The following DOCK9 variants were observed in gnomAD, a reference collection of about 807,000 sequenced individuals.
DOCK9 encodes the protein dedicator of cytokinesis 9, also known as dedicator of cytokinesis protein 9.
Under a neutral mutation model 263.3 loss-of-function variants are expected in DOCK9, and 89 were observed. The ratio of observed to expected loss-of-function variants is 0.34; its 90% CI spans 0.28 to 0.40. The LOEUF (loss-of-function observed/expected upper bound fraction) is 0.40, where lower values mean the gene tolerates loss of function less well. Among genes scored for constraint, DOCK9 ranks in the 10% least tolerant of loss-of-function variants. The pLI, the probability that DOCK9 is intolerant of heterozygous loss-of-function variation, is 1.00. For synonymous variants in DOCK9, 976 were observed against 973.1 expected, an observed-to-expected ratio of 1.00 and a Z score of -0.06; for missense variants, 2,140 against 2,603.4, an observed-to-expected ratio of 0.82 and a Z score of 3.87.
intron 35 of DOCK9, among the ~76,000 whole-genome samples, chr13:98,850,975 G>A (rs1354186243): frequency 1.3e-5 from 2 of 152,188 alleles, no homozygotes; most frequent in African/African-American, 4.8e-5. Context: ...CAGAGACGGT[G>A]GCTATGGGGA....
chr13:98,959,210 A>G (rs2058378099), intron 1 of DOCK9, among the ~76,000 whole-genome samples: 1 of 152,202 alleles, frequency 6.6e-6, no homozygotes, highest in Admixed American at 6.5e-5. Context: ...CCTTTGAACA[A>G]TGTGTGCTTA....
chr13:98,849,515 A>G (rs1478819885), intron 36 of DOCK9, among the ~76,000 whole-genome samples: 1 of 152,130 alleles, frequency 6.6e-6, no homozygotes, highest in African/African-American at 2.4e-5. Context: ...AGAAATCCAA[A>G]AAGTTCTGAA....
Position 98,914,436 on chromosome 13 carries a change from A to C in DOCK9, c.893-41T>G, listed in dbSNP as rs917014588. 17 of 1,550,066 alleles carry C rather than the reference A, an allele frequency of 1.1e-5. 1 individual carries two copies. In the Middle Eastern group the frequency reaches 8.4e-4, roughly 76 times the overall value. On this transcript the variant is annotated intron_variant, in intron 8 of 52. Coordinates refer to ENST00000682017, the MANE Select transcript of DOCK9 (RefSeq NM_001366683.2). ...AGATTATCGGAATCACTTGTAATTC[A>C]TAGCATTTCATTTGAAACAGGAGGA...
chr13:99,080,831 T>C (rs2042096007), intron 1 of DOCK9, among the ~76,000 whole-genome samples: 1 of 152,154 alleles, frequency 6.6e-6, no homozygotes, highest in African/African-American at 2.4e-5. Context: ...GTCCACCTGT[T>C]TAGATCATAA....
upstream of DOCK9, chr13:99,088,271 C>T (rs1449669427): frequency 1.3e-5 from 2 of 152,186 alleles, no homozygotes; most frequent in Non-Finnish European, 2.9e-5. Flanking sequence ...AGGGAATGGC[C>T]CAGACATTTT....
rs753657006 is a variant in DOCK9, at chr13:98,860,215, G to A, written c.3697+190C>T. 103 of 1,429,222 alleles carry A rather than the reference G, an allele frequency of 7.2e-5. 1 individual carries two copies. The South Asian group carries it at 7.8e-4, about 11-fold the overall frequency. The allele number at this position is 1,429,222 out of a possible 1,614,324, so 88.5% of individuals were successfully genotyped here. On this transcript the variant is annotated intron_variant, in intron 33 of 52. Coordinates refer to ENST00000682017, the MANE Select transcript of DOCK9 (RefSeq NM_001366683.2). ...TGATCCTGAGGAGTCACAGGCATCC[G>A]GGACCTTTATTTCAGGGCATGGCTG...
Position 98,999,316 on chromosome 13 carries a change from A to ACACACACACT in DOCK9, c.130-43766_130-43765insAGTGTGTGTG. Among the ~76,000 whole-genome samples the ACACACACACT allele has an allele frequency of 1.1e-4, 15 of 138,368 alleles. No homozygotes were observed. In the South Asian group the frequency reaches 1.3e-3, roughly 12 times the overall value. 90.8% of individuals were successfully genotyped at this position (138,368 alleles called of 152,430 possible). A position where few individuals can be genotyped will look rare whatever the true frequency, so the allele number is the denominator to read the frequency against. On this transcript the variant is annotated intron_variant, in intron 1 of 32. Transcript: ENST00000427887. ...CACACACACACACACACACACACAC[A>ACACACACACT]CTCTCTCTCTCTCTCTCTCTGGAAG...
intron 47 of DOCK9, 180 bp downstream of exon 47, chr13:98,809,169 AAGC>A (rs2091035820): frequency 6.7e-7 from 1 of 1,499,096 alleles, no homozygotes; most frequent in Middle Eastern, 1.7e-4. Flanking sequence ...GAAAGAAAAA[AAGC>A]AGAAAGTTTA....
At chr13:98,796,849 GAGAA>G (rs1358901801) in intron 52 of DOCK9, among the ~76,000 whole-genome samples, 1 of 152,074 alleles carries the variant, frequency 6.6e-6, no homozygotes, top group East Asian at 1.9e-4. Flanking sequence ...GGTGGGGAGA[GAGAA>G]AGCTTAGGAA....
chr13:98,829,367 G>C lies in DOCK9; in HGVS notation c.4905C>G (p.Leu1635=). 6.2e-7 allele frequency: 1 copy of C among 1,613,696 alleles called. No homozygotes were observed. ...CCATGCTGTCGAGCCACGTCTTCCT[G>C]AGCTCGGGCGTGCTGGCATAGGATT... The part of the protein sequence containing the change: ...LAKSYASTPE[L]RKTWLDSMAR... The change falls in exon 43 of 53, where the codon CTC becomes CTG. Residue 1635 remains leucine, a synonymous_variant. Coordinates refer to ENST00000682017, the MANE Select transcript of DOCK9 (RefSeq NM_001366683.2). The surrounding 1 kb of genome is among the most constrained non-coding windows in gnomAD (Gnocchi z 4.1).
intron 38 of DOCK9, among the ~76,000 whole-genome samples, chr13:98,839,814 T>C (rs2093143966): frequency 6.6e-6 from 1 of 152,264 alleles, no homozygotes; most frequent in South Asian, 2.1e-4. Context: ...TATTATATAA[T>C]TATGTATACA....
At chr13:99,078,409 T>G (rs376316123) in intron 1 of DOCK9, among the ~76,000 whole-genome samples, 1 of 152,002 alleles carries the variant, frequency 6.6e-6, no homozygotes, top group East Asian at 1.9e-4. Flanking sequence ...GAGGAGGAGA[T>G]GCAGGAGAAT....
At chr13:99,073,842 G>C (rs915902367) in intron 1 of DOCK9, among the ~76,000 whole-genome samples, 2 of 152,206 alleles carry the variant, frequency 1.3e-5, no homozygotes, top group Admixed American at 1.3e-4. Flanking sequence ...CTGGGAGCTT[G>C]TATGCTGCCT....
At chr13:98,962,625 C>CA (rs2058758154) in intron 1 of DOCK9, among the ~76,000 whole-genome samples, 1 of 148,402 alleles carries the variant, frequency 6.7e-6, no homozygotes, top group Non-Finnish European at 1.5e-5. Context: ...ATGTTGCTTG[C>CA]ATGATAGGTT....
chr13:98,863,595 C>T, intron 30 of DOCK9, 47 bp from the exon 31 acceptor site: 2 of 1,536,910 alleles, frequency 1.3e-6, no homozygotes, highest in Non-Finnish European at 8.8e-7. Flanking sequence ...ATGCAATGCT[C>T]TTTGAATAAA....
At chr13:99,008,235 T>TATATATATATA (rs1491213376) in intron 1 of DOCK9, among the ~76,000 whole-genome samples, 27 of 58,064 alleles carry the variant, frequency 4.7e-4, no homozygotes, top group South Asian at 3.5e-3. Context: ...TATATATATA[T>TATATATATATA]TTTTTTTTTT....
rs142373611 is a variant in DOCK9, at chr13:98,986,316, G to A, written c.130-30765C>T. On this transcript the variant is annotated intron_variant, in intron 1 of 32. Transcript: ENST00000427887. Reference sequence around the variant, plus strand: ...GAGATGGACCAAGCTGGCAGGAGTCGCAGTGTCACAGTTCACAGCAATTAG... The same window carrying A: ...GAGATGGACCAAGCTGGCAGGAGTCACAGTGTCACAGTTCACAGCAATTAG... Among the ~76,000 whole-genome samples, 544 of 152,344 alleles carry A rather than the reference G, an allele frequency of 3.6e-3. 4 individuals carry two copies. Among genetic ancestry groups the A allele is most frequent in the African/African-American group, 0.013 (521 of 41,580 alleles).
At chr13:99,087,727 G>A (rs1014970309), upstream of DOCK9, 2 of 152,482 alleles carry the variant, frequency 1.3e-5, no homozygotes, top group Non-Finnish European at 2.9e-5. Context: ...ATGCTCAGTG[G>A]TTGGGGACTG....
chr13:99,058,888 ACT>A, intron 1 of DOCK9, among the ~76,000 whole-genome samples: 1 of 151,934 alleles, frequency 6.6e-6, no homozygotes, highest in East Asian at 1.9e-4. Flanking sequence ...TCCAGTGCAA[ACT>A]CTGCATGTAC....
Sources: gnomAD v4.1 joint callset for allele counts (sites outside exome capture counted in the v4.1 genomes callset) on GRCh38, gnomAD v4.1.1 for gene constraint, Gnocchi (gnomAD v3.1) non-coding constraint, MANE v1.5 for transcripts, NCBI Gene and HGNC (gene_info 2026-07-23, HGNC 2026-07-21) for gene names.